PIEZO1: variants seen among roughly 807,000 people sequenced by gnomAD.
The protein encoded by PIEZO1 is piezo-type mechanosensitive ion channel component 1.
Under a neutral mutation model 297.2 loss-of-function variants are expected in PIEZO1, and 296 were observed. The ratio of observed to expected loss-of-function variants is 1.00; its 90% CI spans 0.91 to 1.10. The LOEUF (loss-of-function observed/expected upper bound fraction) is 1.10. Among genes scored for constraint, PIEZO1 ranks in the 50% least tolerant of loss-of-function variants. PIEZO1 has a pLI of 0.00. For synonymous variants in PIEZO1, 2,427 were observed against 1,507.5 expected (o/e 1.61, Z -14.13); for missense variants, 5,018 against 3,455.5 (o/e 1.45, Z -11.34).
intron 1 of PIEZO1, among the ~76,000 whole-genome samples, chr16:88,758,590 G>A (rs1014358483): frequency 7.2e-5 from 11 of 152,220 alleles, no homozygotes; most frequent in Admixed American, 3.9e-4. Flanking sequence ...AGACACAGCA[G>A]ATGCAGGAAC....
At chr16:88,736,497 GC>G (rs1270717098) in intron 11 of PIEZO1, 89 bp from the exon 12 acceptor site, 2 of 597,892 alleles carry the variant, frequency 3.3e-6, no homozygotes, top group African/African-American at 4.0e-5. Context: ...CTGCACAGCT[GC>G]CCAGCGCACC....
In PIEZO1 at chr16:88,720,258, G is replaced by A. The variant is rs913211391; in HGVS notation, c.5975C>T (p.Thr1992Met). Residue 1992 changes from threonine to methionine, a missense_variant, in exon 42 of 51, where the codon ACG becomes ATG. Coordinates refer to ENST00000301015, the MANE Select transcript of PIEZO1 (RefSeq NM_001142864.4). ...FGKHSAATDITSSLSDDQVPE... is the reference protein window; with the variant it reads ...FGKHSAATDIMSSLSDDQVPE... ...TACCTGGTCGTCTGATAGGGAGGAC[G>A]TGATGTCTGTGGCCGCCGAGTGCTT... 7.1e-6 allele frequency: 11 copies of A among 1,550,358 alleles called. No homozygotes were observed. Among genetic ancestry groups the A allele is most frequent in the Non-Finnish European group, 8.7e-6 (10 of 1,146,964 alleles).
At chr16:88,754,761 A>G (rs1906569832) in intron 1 of PIEZO1, among the ~76,000 whole-genome samples, 1 of 152,212 alleles carries the variant, frequency 6.6e-6, no homozygotes, top group Admixed American at 6.5e-5. Flanking sequence ...CGGGGCCCGC[A>G]GGCCAGCGCT....
Position 88,726,318 on chromosome 16 carries a change from C to T in PIEZO1, c.3934G>A (p.Ala1312Thr), listed in dbSNP as rs768759354. 6.5e-7 allele frequency: 1 copy of T among 1,550,136 alleles called. No homozygotes were observed. Among genetic ancestry groups the T allele is most frequent in the South Asian group, 1.2e-5 (1 of 84,062 alleles). Residue 1312 changes from alanine (A) to threonine (T), a missense_variant, in exon 27 of 51, where the codon GCC (alanine) becomes ACC (threonine). Coordinates refer to ENST00000301015, the MANE Select transcript of PIEZO1 (RefSeq NM_001142864.4). ...FLSHYYLHVR[A>T]DLQATALLAS... Reference sequence around the variant, plus strand: ...AGCAGGGCGGTGGCCTGGAGGTCGGCCCTGACGTGCAGGTAGTAATGGCTA... The same window carrying T: ...AGCAGGGCGGTGGCCTGGAGGTCGGTCCTGACGTGCAGGTAGTAATGGCTA...
intron 44 of PIEZO1, chr16:88,717,543 G>A (rs755692298): frequency 1.2e-4 from 63 of 509,608 alleles, no homozygotes; most frequent in African/African-American, 1.0e-3. Flanking sequence ...TTACCTCAAA[G>A]TGGATCAAAG....
intron 1 of PIEZO1, among the ~76,000 whole-genome samples, chr16:88,750,309 C>G (rs1234342646): frequency 1.3e-5 from 2 of 152,230 alleles, no homozygotes; most frequent in African/African-American, 4.8e-5. Flanking sequence ...GCACTCCAGC[C>G]TGGGCGACAG....
intron 1 of PIEZO1, among the ~76,000 whole-genome samples, chr16:88,781,014 T>A (rs1009683572): frequency 1.3e-5 from 2 of 152,204 alleles, no homozygotes; most frequent in African/African-American, 4.8e-5. Context: ...AACAGAAGAC[T>A]AACATTTTGT....
chr16:88,762,381 T>A (rs1036943390), intron 1 of PIEZO1, among the ~76,000 whole-genome samples: 1 of 152,202 alleles, frequency 6.6e-6, no homozygotes, highest in Non-Finnish European at 1.5e-5. Context: ...GGCACTTTCC[T>A]GCCACCCTTG....
intron 1 of PIEZO1, among the ~76,000 whole-genome samples, chr16:88,768,493 C>T (rs1287819396): frequency 6.6e-6 from 1 of 152,216 alleles, no homozygotes; most frequent in African/African-American, 2.4e-5. Context: ...GCCCTCTCAC[C>T]CACCACATCC....
Position 88,722,256 on chromosome 16 carries a change from C to T in PIEZO1, c.4917G>A (p.Gln1639=), listed in dbSNP as rs1904284902. Residue 1639 remains glutamine (Q), a synonymous_variant, in exon 36 of 51, where the codon CAG becomes CAA. Transcript: ENST00000301015. ...GEREAGASLY[Q]GLMRTASELL... ...GCTCGCTGGCCGTCCGCATCAGTCC[C>T]TGGTACAGAGAGGCACCAGCCTCAC... 6.5e-7 allele frequency: 1 copy of T among 1,548,248 alleles called. No homozygotes were observed.
intron 10 of PIEZO1, 197 bp from the exon 11 acceptor site, chr16:88,736,936 T>C: frequency 2.1e-6 from 1 of 475,326 alleles, no homozygotes; most frequent in Non-Finnish European, 3.8e-6. Context: ...TGCCAGCACC[T>C]GCCGTTCTCT....
rs1355316754 is a variant in PIEZO1 at position 88,722,410 on chromosome 16, G to C, written c.4776-13C>G. 1.3e-6 allele frequency: 2 copies of C among 1,485,948 alleles called. No individual in the cohort carries two copies. The highest frequency in any genetic ancestry group is 1.8e-6 in the Non-Finnish European group (2 of 1,113,818). 92.0% of individuals were successfully genotyped at this position (1,485,948 alleles called of 1,614,324 possible). A position where few individuals can be genotyped will look rare whatever the true frequency, so the allele number is the denominator to read the frequency against. On this transcript the variant is annotated splice_polypyrimidine_tract_variant and intron_variant, in intron 35 of 50. Transcript: ENST00000301015. The stretch of plus-strand genomic sequence containing the variant: ...CGCGCCCAGCCCACTGGGGAGGGAA[G>C]CCGAGTCACAGAGAATCCTGCTCTA...
intron 44 of PIEZO1, chr16:88,717,665 A>T (rs764095795): frequency 4.5e-6 from 2 of 444,192 alleles, no homozygotes; most frequent in South Asian, 3.2e-5. Context: ...CAAAATAAAT[A>T]CTTTGTGCTT....
At chr16:88,754,421 T>C (rs894393706) in intron 1 of PIEZO1, among the ~76,000 whole-genome samples, 1 of 152,186 alleles carries the variant, frequency 6.6e-6, no homozygotes, top group Non-Finnish European at 1.5e-5. Flanking sequence ...TGCCAGGGGA[T>C]GTCAGATGCC....
Position 88,726,883 on chromosome 16 carries a change from C to T in PIEZO1, c.3531G>A (p.Thr1177=), listed in dbSNP as rs772238783. The change falls in exon 25 of 51, where the codon ACG becomes ACA. Residue 1177 remains threonine (T), a synonymous_variant. Transcript: ENST00000301015. ...FWLVLVVVFV[T]GATRISIFGL... is the part of the protein sequence containing the mutation. The stretch of plus-strand genomic sequence containing the variant: ...CGAAGATGCTGATGCGGGTGGCCCC[C>T]GTGACAAACACCACCACCAGCACCA... 1.5e-5 allele frequency: 23 copies of T among 1,550,284 alleles called. No individual in the cohort carries two copies. The highest frequency in any genetic ancestry group is 3.6e-5 in the South Asian group (3 of 84,062).
chr16:88,776,678 G>C (rs1021942094), intron 1 of PIEZO1, among the ~76,000 whole-genome samples: 1 of 152,250 alleles, frequency 6.6e-6, no homozygotes, highest in Non-Finnish European at 1.5e-5. Flanking sequence ...ACCAGGGGCA[G>C]AGTAGGGGAT....
intron 23 of PIEZO1, 37 bp downstream of exon 23, chr16:88,727,520 G>T (rs550537055): frequency 3.8e-6 from 3 of 787,974 alleles, no homozygotes; most frequent in Non-Finnish European, 2.1e-6. Flanking sequence ...TACTCTGAGG[G>T]TCCTCTGCAG....
Position 88,733,783 on chromosome 16 carries a change from G to A in PIEZO1, c.2330-38C>T, listed in dbSNP as rs1438414177. ...GAGGGTCAGTGCGGGGCACAAACGGGGATTCCCGGGTCCCCTGTGAGGAAG... is the reference window on the plus strand; with the variant it reads ...GAGGGTCAGTGCGGGGCACAAACGGAGATTCCCGGGTCCCCTGTGAGGAAG... On this transcript the variant is annotated intron_variant, in intron 17 of 50. Coordinates refer to ENST00000301015, the MANE Select transcript of PIEZO1 (RefSeq NM_001142864.4). 21 of 1,488,898 alleles carry A rather than the reference G, an allele frequency of 1.4e-5. No individual in the cohort carries two copies. In the Admixed American group the frequency reaches 4.5e-4, roughly 32 times the overall value. 92.2% of individuals were successfully genotyped at this position (1,488,898 alleles called of 1,614,324 possible). A position where few individuals can be genotyped will look rare whatever the true frequency, so the allele number is the denominator to read the frequency against.
At chr16:88,743,745 C>A (rs536366701) in intron 2 of PIEZO1, 2 of 424,010 alleles carry the variant, frequency 4.7e-6, no homozygotes, top group African/African-American at 4.0e-5. Flanking sequence ...ATGCCCAGGA[C>A]TCCCTGTCCG....
Sources: allele counts gnomAD v4.1 joint callset (sites outside exome capture counted in the v4.1 genomes callset), GRCh38; gene constraint gnomAD v4.1.1; transcripts MANE v1.5; gene names NCBI Gene and HGNC (gene_info 2026-07-23, HGNC 2026-07-21).